ZFPM2: variants seen among roughly 807,000 people sequenced by gnomAD.
The protein encoded by ZFPM2 is zinc finger protein ZFPM2.
ZFPM2 carries 20 observed loss-of-function variants against 98.6 expected under a neutral mutation model. That is an observed-to-expected ratio of 0.20 (90% CI 0.14 to 0.29). ZFPM2 has a LOEUF of 0.29. ZFPM2 is among the 10% of genes least tolerant of loss of function. ZFPM2 has a pLI of 1.00. For synonymous variants in ZFPM2, 518 were observed against 502.7 expected, an observed-to-expected ratio of 1.03 and a Z score of -0.41; for missense variants, 1,310 against 1,388.6, an observed-to-expected ratio of 0.94 and a Z score of 0.90.
chr8:105,406,516 A>G (rs1004863153), intron 1 of ZFPM2, among the ~76,000 whole-genome samples: 2 of 152,060 alleles, frequency 1.3e-5, no homozygotes, highest in Non-Finnish European at 2.9e-5. Context: ...AAGAAAACCT[A>G]GGCATTACCA....
At chr8:105,569,794 C>T (rs949079711) in intron 4 of ZFPM2, among the ~76,000 whole-genome samples, 3 of 152,170 alleles carry the variant, frequency 2.0e-5, no homozygotes, top group Non-Finnish European at 4.4e-5. Flanking sequence ...CAGCCTCACA[C>T]GTTCCAGTGA....
chr8:105,349,354 G>A (rs933910357), intron 1 of ZFPM2, among the ~76,000 whole-genome samples: 12 of 152,152 alleles, frequency 7.9e-5, no homozygotes, highest in Admixed American at 3.9e-4. Context: ...CTGAGGGCCC[G>A]AGTAATGTGG....
At chr8:105,787,266 T>G (rs1475526111) in intron 5 of ZFPM2, 1 of 152,220 alleles carries the variant, frequency 6.6e-6, no homozygotes, top group Non-Finnish European at 1.5e-5. Flanking sequence ...GAATCTGTTT[T>G]ATTCAACTGT....
At chr8:105,360,463 C>A (rs6987212) in intron 1 of ZFPM2, among the ~76,000 whole-genome samples, 1 of 152,078 alleles carries the variant, frequency 6.6e-6, no homozygotes, top group Admixed American at 6.5e-5. Context: ...GGGGAACATA[C>A]TTTTATTTAT....
At chr8:105,798,603 C>CTGAT (rs1813903049) in intron 6 of ZFPM2, 121 bp from the exon 7 acceptor site, 6 of 759,048 alleles carry the variant, frequency 7.9e-6, no homozygotes, top group Non-Finnish European at 1.3e-5. Flanking sequence ...TGTTACTCAT[C>CTGAT]TGATTGCCCA....
intron 5 of ZFPM2, among the ~76,000 whole-genome samples, chr8:105,759,046 A>T (rs1402363309): frequency 6.6e-6 from 1 of 152,116 alleles, no homozygotes; most frequent in Non-Finnish European, 1.5e-5. Context: ...CCTTACCTTT[A>T]TATAACTCCA....
intron 5 of ZFPM2, among the ~76,000 whole-genome samples, chr8:105,660,547 C>A: frequency 6.6e-6 from 1 of 152,118 alleles, no homozygotes; most frequent in South Asian, 2.1e-4. Context: ...CATAGTGGGT[C>A]AAAGCACATA....
At position 105,386,438 on chromosome 8, in the gene ZFPM2, C is replaced by T. The variant is rs1463401321; in HGVS notation, c.41-32706C>T. Among the ~76,000 whole-genome samples the T allele has an allele frequency of 9.2e-5, 14 of 152,066 alleles. No homozygotes were observed. In the East Asian group the frequency reaches 1.4e-3, roughly 15 times the overall value. ...GTCTCACTGACTTCAAGAATGAAGC[C>T]GTGGACCCTCGTGGTGAGTGTTATA... On this transcript the variant is annotated intron_variant, in intron 1 of 7. Transcript: ENST00000407775.
intron 4 of ZFPM2, among the ~76,000 whole-genome samples, chr8:105,574,772 A>G (rs73307940): frequency 0.064 from 9,676 of 150,660 alleles, 575 homozygotes; most frequent in African/African-American, 0.16. Flanking sequence ...AGAGTCCCTC[A>G]GGTTCTGATC....
chr8:105,790,569 T>C (rs1300624066), intron 6 of ZFPM2, among the ~76,000 whole-genome samples: 2 of 151,940 alleles, frequency 1.3e-5, no homozygotes, highest in Admixed American at 1.3e-4. Flanking sequence ...ATTGACTTGG[T>C]GATGCGGGCT....
At chr8:105,636,153 G>GTT (rs1272127080) in intron 5 of ZFPM2, among the ~76,000 whole-genome samples, 2 of 152,092 alleles carry the variant, frequency 1.3e-5, no homozygotes, top group Non-Finnish European at 2.9e-5. Flanking sequence ...TGATCAAAAG[G>GTT]TTTTGGATTT....
intron 3 of ZFPM2, among the ~76,000 whole-genome samples, chr8:105,519,257 G>A (rs1319223483): frequency 6.6e-6 from 1 of 152,070 alleles, no homozygotes; most frequent in Non-Finnish European, 1.5e-5. Flanking sequence ...TGTATAATTG[G>A]TGGGTGAGAA....
At chr8:105,667,790 T>C (rs1817517869) in intron 5 of ZFPM2, among the ~76,000 whole-genome samples, 1 of 152,206 alleles carries the variant, frequency 6.6e-6, no homozygotes, top group Admixed American at 6.5e-5. Context: ...TTTTAAAAGA[T>C]AGTTATTTTT....
chr8:105,742,247 G>A (rs374116774), intron 5 of ZFPM2, among the ~76,000 whole-genome samples: 41 of 151,814 alleles, frequency 2.7e-4, no homozygotes, highest in South Asian at 6.2e-4. Flanking sequence ...GCATGGTGGC[G>A]CATGCTTATA....
chr8:105,527,412 T>C lies in ZFPM2; in HGVS notation c.302-33951T>C, dbSNP rs140504299. On this transcript the variant is annotated intron_variant, in intron 3 of 7. Transcript: ENST00000407775. ...GAGCAAAGTTCTCTTGTTTTTTCAC[T>C]CAAAGAGTGGATAACTATATGGATT... Among the ~76,000 whole-genome samples, 5 of 152,326 alleles carry C rather than the reference T, an allele frequency of 3.3e-5. No individual in the cohort carries two copies. In the East Asian group the frequency reaches 9.6e-4, roughly 29 times the overall value.
In ZFPM2 at chr8:105,708,428, ATTGTTTGT is replaced by A. The variant is rs897594788; in HGVS notation, c.532+74090_532+74097del. Among the ~76,000 whole-genome samples, 386 of 151,228 alleles carry A rather than the reference ATTGTTTGT, an allele frequency of 2.6e-3. 2 individuals carry two copies. The highest frequency in any genetic ancestry group is 3.8e-3 in the Non-Finnish European group (258 of 67,732). On this transcript the variant is annotated intron_variant, in intron 5 of 7. Coordinates refer to ENST00000407775, the MANE Select transcript of ZFPM2 (RefSeq NM_012082.4). ...GGAGTTTTCTTGGGGTTTCGTTGCC[ATTGTTTGT>A]TTGTTTGTTTGTTTGTTTTGTCTCC...
intron 1 of ZFPM2, among the ~76,000 whole-genome samples, chr8:105,371,346 G>A (rs1239343734): frequency 1.3e-5 from 2 of 152,178 alleles, no homozygotes; most frequent in Non-Finnish European, 2.9e-5. Context: ...CATCTAGAAG[G>A]TTAAAGGAGG....
chr8:105,330,650 T>A (rs540337541), intron 1 of ZFPM2, among the ~76,000 whole-genome samples: 34 of 126,482 alleles, frequency 2.7e-4, no homozygotes, highest in East Asian at 1.8e-3. Flanking sequence ...ATATATATAT[T>A]TTTCAGGAAT....
At chr8:105,438,173 G>T (rs1812163303) in intron 2 of ZFPM2, among the ~76,000 whole-genome samples, 1 of 152,170 alleles carries the variant, frequency 6.6e-6, no homozygotes, top group Admixed American at 6.5e-5. Context: ...CTTCCTCCAA[G>T]AAACTTCTGT....
Sources: gnomAD v4.1 joint callset for allele counts (sites outside exome capture counted in the v4.1 genomes callset) on GRCh38, gnomAD v4.1.1 for gene constraint, MANE v1.5 for transcripts, NCBI Gene and HGNC (gene_info 2026-07-23, HGNC 2026-07-21) for gene names.